Variants in PLCG2 observed in about 807,000 individuals in gnomAD.
PLCG2 encodes the protein phospholipase C gamma 2.
A neutral mutation model predicts 175.6 loss-of-function variants in PLCG2; 69 were observed. The observed-to-expected ratio is 0.39, with a 90% CI of 0.32 to 0.48. PLCG2 has a LOEUF of 0.48. PLCG2 is among the 20% of genes least tolerant of loss of function. The pLI, the probability that PLCG2 is intolerant of heterozygous loss-of-function variation, is 0.91. For synonymous variants in PLCG2, 827 were observed against 624.0 expected (o/e 1.33, Z -4.85); for missense variants, 1,798 against 1,650.9 (o/e 1.09, Z -1.54).
At chr16:81,811,528 A>G (rs1428497021) in intron 2 of PLCG2, among the ~76,000 whole-genome samples, 9 of 151,424 alleles carry the variant, frequency 5.9e-5, no homozygotes, top group African/African-American at 1.2e-4. Context: ...TAGTCCCCCA[A>G]CCCCTAACAG....
At chr16:81,876,029 T>G (rs1395851092) in intron 7 of PLCG2, among the ~76,000 whole-genome samples, 2 of 143,082 alleles carry the variant, frequency 1.4e-5, no homozygotes, top group Non-Finnish European at 3.1e-5. Context: ...TTTTTTTTTT[T>G]TTTTTTTTGT....
Position 81,899,130 on chromosome 16 carries a change from A to G in PLCG2, c.1194-1482A>G, listed in dbSNP as rs555811782. 3.9e-4 allele frequency among the ~76,000 whole-genome samples: 60 copies of G among 152,268 alleles called. 2 individuals carry two copies. The highest frequency in any genetic ancestry group is 1.3e-4 in the Non-Finnish European group (9 of 68,020). ...CTTGAACTTGGGAGGCGGAGGTTGC[A>G]ATGAGCTGAGGTCACGCCATTGCAC... On this transcript the variant is annotated intron_variant, in intron 13 of 32. Coordinates refer to ENST00000564138, the MANE Select transcript of PLCG2 (RefSeq NM_002661.5).
chr16:81,818,381 T>A (rs1484468568), intron 2 of PLCG2, among the ~76,000 whole-genome samples: 1 of 152,260 alleles, frequency 6.6e-6, no homozygotes, highest in Non-Finnish European at 1.5e-5. Flanking sequence ...TTTCTCAGAC[T>A]GTCAGCTCTT....
At chr16:81,778,032 C>CAAAA (rs566484508), upstream of PLCG2, among the ~76,000 whole-genome samples, 3 of 58,710 alleles carry the variant, frequency 5.1e-5, no homozygotes, top group African/African-American at 2.6e-4. Context: ...AAAAAAAAAA[C>CAAAA]AAAAAAAAAA....
At chr16:81,793,248 G>C (rs4293371) in intron 2 of PLCG2, among the ~76,000 whole-genome samples, 130,151 of 152,162 alleles carry the variant, frequency 0.86, 55,851 homozygotes, top group South Asian at 0.96. Flanking sequence ...CTGGTTGTCT[G>C]TGAATGTCGG....
In PLCG2 at chr16:81,947,702, C is replaced by T. The variant is rs562723959; in HGVS notation, c.3570+1439C>T. On this transcript the variant is annotated intron_variant, in intron 31 of 32. Transcript: ENST00000564138. The stretch of plus-strand genomic sequence containing the variant: ...GCACTTTACACACCTTCTGAAGAAG[C>T]CATTTACATGTCACAATTACTTTAT... Among the ~76,000 whole-genome samples, 4 of 152,248 alleles carry T rather than the reference C, an allele frequency of 2.6e-5. No homozygotes were observed. In the East Asian group the frequency reaches 7.7e-4, roughly 29 times the overall value.
chr16:81,942,126 C>G (rs982122523), intron 30 of PLCG2, among the ~76,000 whole-genome samples: 7 of 152,194 alleles, frequency 4.6e-5, no homozygotes, highest in African/African-American at 1.7e-4. Context: ...CTCTACTGAA[C>G]TCATCCAGCA....
chr16:81,959,310 G>T lies in PLCG2; in HGVS notation c.*1312G>T. The T allele has an allele frequency of 1.3e-5, 3 of 223,070 alleles. No individual in the cohort carries two copies. Among genetic ancestry groups the T allele is most frequent in the Non-Finnish European group, 2.7e-5 (3 of 111,682 alleles). The allele number at this position is 223,070 out of a possible 1,614,324, so 13.8% of individuals were successfully genotyped here. A position where few individuals can be genotyped will look rare whatever the true frequency, so the allele number is the denominator to read the frequency against. ...CCCTCCTCTTGTTACCCGAAATGCT[G>T]GGCTTAGTATGCATGTACTGCTGAA... is the stretch of plus-strand genomic sequence containing the variant. On this transcript the variant is annotated 3_prime_UTR_variant, in exon 33 of 33. Coordinates refer to ENST00000564138, the MANE Select transcript of PLCG2 (RefSeq NM_002661.5).
chr16:81,888,308 T>A (rs954774825), intron 9 of PLCG2, among the ~76,000 whole-genome samples: 1 of 152,068 alleles, frequency 6.6e-6, no homozygotes, highest in African/African-American at 2.4e-5. Flanking sequence ...CCTCTTGGGT[T>A]CAAGCAATTC....
At chr16:81,913,819 C>A (rs1359204728) in intron 19 of PLCG2, among the ~76,000 whole-genome samples, 1 of 152,280 alleles carries the variant, frequency 6.6e-6, no homozygotes, top group East Asian at 1.9e-4. Context: ...CCAGGCTGCC[C>A]CCTGGGCGTT....
intron 21 of PLCG2, among the ~76,000 whole-genome samples, chr16:81,922,216 C>T (rs540262820): frequency 1.3e-5 from 2 of 152,322 alleles, no homozygotes; most frequent in South Asian, 2.1e-4. Flanking sequence ...TCCTAGAACC[C>T]ACATTGCTTC....
rs867688210 is a variant in PLCG2, at chr16:81,749,567, T to C, written c.-144-6303T>C. On this transcript the variant is annotated intron_variant, in intron 1 of 5. Coordinates refer to the PLCG2 transcript ENST00000565054. Reference sequence around the variant, plus strand: ...CGAGGTTTTACCATGTTGGCCAGGCTTGTCTCAAACTCCTGACCTCAAGTG... The same window carrying C: ...CGAGGTTTTACCATGTTGGCCAGGCCTGTCTCAAACTCCTGACCTCAAGTG... Among the ~76,000 whole-genome samples, 4 of 152,292 alleles carry C rather than the reference T, an allele frequency of 2.6e-5. No individual in the cohort carries two copies. The Middle Eastern group carries it at 0.014, about 518-fold the overall frequency.
chr16:81,896,041 G>C (rs1226383631), intron 13 of PLCG2, 114 bp downstream of exon 13: 1 of 1,329,050 alleles, frequency 7.5e-7, no homozygotes, highest in African/African-American at 1.4e-5. Context: ...AATGCGGGAA[G>C]GCCTGGGCCC....
At chr16:81,848,650 A>C (rs1906245566) in intron 2 of PLCG2, among the ~76,000 whole-genome samples, 1 of 151,748 alleles carries the variant, frequency 6.6e-6, no homozygotes, top group Non-Finnish European at 1.5e-5. Context: ...CAGTAATTTG[A>C]TCCCTCTTGA....
intron 9 of PLCG2, among the ~76,000 whole-genome samples, chr16:81,888,875 C>G (rs9924213): frequency 0.029 from 4,419 of 152,254 alleles, 229 homozygotes; most frequent in African/African-American, 0.099. Flanking sequence ...GCCCATTTGC[C>G]TACGGATCAT....
intron 10 of PLCG2, 132 bp downstream of exon 10, chr16:81,889,405 C>G (rs1597110162): frequency 1.7e-6 from 1 of 604,242 alleles, no homozygotes; most frequent in Non-Finnish European, 3.0e-6. Flanking sequence ...GACTGGTTAG[C>G]TGGGATTGTT....
chr16:81,920,399 A>T (rs1247910668), intron 20 of PLCG2, among the ~76,000 whole-genome samples: 1 of 152,206 alleles, frequency 6.6e-6, no homozygotes, highest in Non-Finnish European at 1.5e-5. Context: ...GGTTCTGGAG[A>T]GGAGAGACAG....
intron 14 of PLCG2, among the ~76,000 whole-genome samples, chr16:81,903,154 C>T (rs1329949501): frequency 1.3e-5 from 2 of 152,166 alleles, no homozygotes; most frequent in Non-Finnish European, 2.9e-5. Flanking sequence ...ACATTCAGAC[C>T]ATAGCAGTAG....
intron 2 of PLCG2, among the ~76,000 whole-genome samples, chr16:81,849,906 A>T (rs1308179544): frequency 6.6e-6 from 1 of 152,238 alleles, no homozygotes; most frequent in Non-Finnish European, 1.5e-5. Context: ...ACTGGCAGTC[A>T]ACTGGGTGGG....
Sources: gnomAD v4.1 joint callset for allele counts (sites outside exome capture counted in the v4.1 genomes callset) on GRCh38, gnomAD v4.1.1 for gene constraint, MANE v1.5 for transcripts, NCBI Gene and HGNC (gene_info 2026-07-23, HGNC 2026-07-21) for gene names.